SPTAN1: variants seen among roughly 807,000 people sequenced by gnomAD.
The protein encoded by SPTAN1 is spectrin alpha chain, non-erythrocytic 1.
A neutral mutation model predicts 331.3 loss-of-function variants in SPTAN1; 61 were observed. That is an observed-to-expected ratio of 0.18 (90% CI 0.15 to 0.23). SPTAN1 has a LOEUF of 0.23. SPTAN1 is among the 10% of genes least tolerant of loss of function. SPTAN1 has a pLI of 1.00. For missense variants in SPTAN1, 2,043 were observed against 3,147.9 expected (o/e 0.65, Z 8.40); for synonymous variants, 1,153 against 1,173.9 (o/e 0.98, Z 0.36).
At chr9:128,632,007 CTT>C in intron 52 of SPTAN1, 118 bp from the exon 53 acceptor site, 4 of 1,010,978 alleles carry the variant, frequency 4.0e-6, no homozygotes, top group Non-Finnish European at 6.0e-6. Context: ...CTAGAATGTT[CTT>C]GTTTTACGAG....
At chr9:128,605,761 G>A (rs1289161758) in intron 31 of SPTAN1, among the ~76,000 whole-genome samples, 3 of 152,216 alleles carry the variant, frequency 2.0e-5, no homozygotes, top group Non-Finnish European at 4.4e-5. Flanking sequence ...GTAGGCCAAG[G>A]CGGGCAGATC....
At chr9:128,621,360 C>A in intron 45 of SPTAN1, 104 bp downstream of exon 45, 1 of 971,832 alleles carries the variant, frequency 1.0e-6, no homozygotes, top group Non-Finnish European at 1.6e-6. Flanking sequence ...TTCACCAAAC[C>A]AAGGTCTGCG....
In SPTAN1 at chr9:128,571,484, C is replaced by T. The variant is rs141939928; in HGVS notation, c.363+2587C>T. On this transcript the variant is annotated intron_variant, in intron 3 of 56. Coordinates refer to ENST00000372739, the MANE Select transcript of SPTAN1 (RefSeq NM_001130438.3). The stretch of plus-strand genomic sequence containing the variant: ...CCTGTAATCCCAGCTAGTTGGGAGG[C>T]TGAAGCAGGAGAATTGCTTGAACTC... Among the ~76,000 whole-genome samples, 915 of 152,176 alleles carry T rather than the reference C, an allele frequency of 6.0e-3. 5 individuals are homozygous for T. The highest frequency in any genetic ancestry group is 0.021 in the African/African-American group (859 of 41,508).
chr9:128,579,682 T>TCTGGACAGGCACTGCTTGCTG lies in SPTAN1; in HGVS notation c.1272_1292dup (p.Gln425_Gly431dup), dbSNP rs1283495739. 1 of 1,614,158 alleles carries TCTGGACAGGCACTGCTTGCTG rather than the reference T, an allele frequency of 6.2e-7. No homozygotes were observed. The highest frequency in any genetic ancestry group is 8.5e-7 in the Non-Finnish European group (1 of 1,180,014). On this transcript the variant is annotated inframe_insertion, in exon 10 of 57. Transcript: ENST00000372739. ...AGACAGCTTCAAATCTGCAGATGAA[T>TCTGGACAGGCACTGCTTGCTG]CTGGACAGGCACTGCTTGCTGCTGG...
At chr9:128,578,777 C>A (rs1424355845) in intron 9 of SPTAN1, among the ~76,000 whole-genome samples, 5 of 148,478 alleles carry the variant, frequency 3.4e-5, no homozygotes, top group African/African-American at 1.2e-4. Context: ...TGCAGTGAGC[C>A]AAGATCACAC....
At chr9:128,554,204 C>G (rs576694834) in intron 1 of SPTAN1, among the ~76,000 whole-genome samples, 54 of 152,162 alleles carry the variant, frequency 3.5e-4, no homozygotes, top group Non-Finnish European at 5.4e-4. Flanking sequence ...AACTGTTATC[C>G]AGGGACCTTG....
At chr9:128,610,681 A>C (rs887808870) in intron 37 of SPTAN1, among the ~76,000 whole-genome samples, 1 of 152,098 alleles carries the variant, frequency 6.6e-6, no homozygotes, top group Admixed American at 6.6e-5. Context: ...GTAGCATTTC[A>C]GTACCTTCTG....
intron 3 of SPTAN1, among the ~76,000 whole-genome samples, chr9:128,572,007 C>A (rs1256511822): frequency 6.6e-6 from 1 of 152,154 alleles, no homozygotes; most frequent in Non-Finnish European, 1.5e-5. Flanking sequence ...CAGGAACGCA[C>A]AAGCACACTG....
rs777505164 is a variant in SPTAN1, at chr9:128,632,521, G to A, written c.7013+37G>A. ...CTTACTCGCCCTGGCTGGGTGGGGG[G>A]TGTTCGGCAGCAGGGCTGCCTGCTG... On this transcript the variant is annotated intron_variant, in intron 54 of 56. Transcript: ENST00000372739. 15 of 1,614,044 alleles carry A rather than the reference G, an allele frequency of 9.3e-6. No individual in the cohort carries two copies. In the East Asian group the frequency reaches 2.4e-4, roughly 26 times the overall value.
chr9:128,625,237 T>C lies in SPTAN1; in HGVS notation c.6069+58T>C, dbSNP rs988047965. Reference sequence around the variant, plus strand: ...ATGCAGATAGCATCTGTGAGATGACTGGTGGCGTCTTTCACTGAGGCATTT... The same window carrying C: ...ATGCAGATAGCATCTGTGAGATGACCGGTGGCGTCTTTCACTGAGGCATTT... On this transcript the variant is annotated intron_variant, in intron 47 of 56. Coordinates refer to ENST00000372739, the MANE Select transcript of SPTAN1 (RefSeq NM_001130438.3). This position sits in a 1 kb window ranked among gnomAD's most constrained non-coding sequence, Gnocchi z 4.1. 101 of 1,541,064 alleles carry C rather than the reference T, an allele frequency of 6.6e-5. No individual in the cohort carries two copies. Among genetic ancestry groups the C allele is most frequent in the Admixed American group, 5.7e-4 (34 of 59,318 alleles).
chr9:128,632,027 G>A, intron 52 of SPTAN1, 100 bp from the exon 53 acceptor site: 1 of 1,306,242 alleles, frequency 7.7e-7, no homozygotes, highest in Non-Finnish European at 1.1e-6. Flanking sequence ...GAGGTCTCAG[G>A]CCAGGCCTGG....
In SPTAN1 at chr9:128,577,293, G is replaced by A. The variant is rs760576677; in HGVS notation, c.930+20G>A. On this transcript the variant is annotated intron_variant, in intron 7 of 56. Coordinates refer to ENST00000372739, the MANE Select transcript of SPTAN1 (RefSeq NM_001130438.3). The surrounding 1 kb of genome is among the most constrained non-coding windows in gnomAD (Gnocchi z 4.2). ...GACAAGGTGGGTTTTACAAGCAGCT[G>A]ATTCTGTAAATAAGTTACCAAGGGT... 1.9e-6 allele frequency: 3 copies of A among 1,614,212 alleles called. No individual in the cohort carries two copies. Among genetic ancestry groups the A allele is most frequent in the Admixed American group, 1.7e-5 (1 of 60,026 alleles).
intron 15 of SPTAN1, 130 bp from the exon 16 acceptor site, chr9:128,583,658 C>G: frequency 2.0e-6 from 2 of 1,011,150 alleles, no homozygotes; most frequent in Non-Finnish European, 3.0e-6. Flanking sequence ...TTTTCTTTCT[C>G]TTTGTGACAT....
chr9:128,597,953 T>G (rs1474686284), intron 24 of SPTAN1, among the ~76,000 whole-genome samples: 1 of 140,882 alleles, frequency 7.1e-6, no homozygotes, highest in African/African-American at 2.7e-5. Flanking sequence ...CCGGCCTGTT[T>G]TGTTTTGTTT....
rs1444973251 is a variant in SPTAN1, at chr9:128,632,552, C to T, written c.7014-20C>T. On this transcript the variant is annotated intron_variant, in intron 54 of 56. Transcript: ENST00000372739. Reference sequence around the variant, plus strand: ...GGCAGCAGGGCTGCCTGCTGAGCCGCCCTCGGCTTTGTGCTGCAGACACTT... The same window carrying T: ...GGCAGCAGGGCTGCCTGCTGAGCCGTCCTCGGCTTTGTGCTGCAGACACTT... 3.7e-6 allele frequency: 6 copies of T among 1,614,032 alleles called. No homozygotes were observed. Among genetic ancestry groups the T allele is most frequent in the Non-Finnish European group, 5.1e-6 (6 of 1,180,052 alleles).
At chr9:128,585,709 C>T (rs1158425264) in intron 18 of SPTAN1, 39 bp from the exon 19 acceptor site, 8 of 1,534,998 alleles carry the variant, frequency 5.2e-6, no homozygotes, top group African/African-American at 4.1e-5. Flanking sequence ...GATGTGTCAA[C>T]GTAGTTTTTG....
At chr9:128,613,273 T>C (rs1466892087) in intron 39 of SPTAN1, 108 bp from the exon 40 acceptor site, 2 of 853,160 alleles carry the variant, frequency 2.3e-6, no homozygotes, top group Admixed American at 2.0e-5. Context: ...GGAGAAGTAT[T>C]CAACTGTCCA....
chr9:128,562,819 G>C (rs1025877072), intron 1 of SPTAN1, among the ~76,000 whole-genome samples: 2 of 151,616 alleles, frequency 1.3e-5, no homozygotes, highest in African/African-American at 2.4e-5. Flanking sequence ...GAAAATATTA[G>C]CCGGGCGTGA....
At position 128,575,355 on chromosome 9, in the gene SPTAN1, A is replaced by G. The variant is rs1851181711; in HGVS notation, c.651+10A>G. ...TGCCAAACTCATACAGGTAAATAGC[A>G]AAGTGCTGTATGCTTCTCACAACAT... On this transcript the variant is annotated intron_variant, in intron 5 of 56. Coordinates refer to ENST00000372739, the MANE Select transcript of SPTAN1 (RefSeq NM_001130438.3). 2 of 1,609,348 alleles carry G rather than the reference A, an allele frequency of 1.2e-6. No homozygotes were observed. Among genetic ancestry groups the G allele is most frequent in the Admixed American group, 3.3e-5 (2 of 60,006 alleles).
Sources: gnomAD v4.1 joint callset for allele counts (sites outside exome capture counted in the v4.1 genomes callset) on GRCh38, gnomAD v4.1.1 for gene constraint, Gnocchi (gnomAD v3.1) non-coding constraint, MANE v1.5 for transcripts, NCBI Gene and HGNC (gene_info 2026-07-23, HGNC 2026-07-21) for gene names.